Variants in RABGAP1L observed in about 807,000 individuals in gnomAD.
RABGAP1L encodes RAB GTPase activating protein 1 like.
RABGAP1L carries 63 observed loss-of-function variants against 137.7 expected under a neutral mutation model. The observed-to-expected ratio is 0.46, with a 90% CI of 0.37 to 0.56. RABGAP1L has a LOEUF of 0.56. RABGAP1L is among the 20% of genes least tolerant of loss of function. The pLI is 0.00. For synonymous variants in RABGAP1L, 431 were observed against 433.7 expected, an observed-to-expected ratio of 0.99 and a Z score of 0.08; for missense variants, 1,095 against 1,244.0, an observed-to-expected ratio of 0.88 and a Z score of 1.80.
chr1:174,247,522 G>A (rs1672364645), intron 5 of RABGAP1L, among the ~76,000 whole-genome samples: 1 of 152,194 alleles, frequency 6.6e-6, no homozygotes, highest in Non-Finnish European at 1.5e-5. Flanking sequence ...AGCTCTTAGA[G>A]CCAGGCCAGC....
At chr1:174,368,837 C>T (rs527951143) in intron 11 of RABGAP1L, among the ~76,000 whole-genome samples, 5 of 152,052 alleles carry the variant, frequency 3.3e-5, no homozygotes, top group Non-Finnish European at 7.4e-5. Context: ...AATTCCTTTC[C>T]CTACAAGAGT....
intron 3 of RABGAP1L, among the ~76,000 whole-genome samples, chr1:174,226,001 G>A (rs1177971358): frequency 1.3e-5 from 2 of 152,060 alleles, no homozygotes; most frequent in Non-Finnish European, 2.9e-5. Flanking sequence ...TAGTTCTGTG[G>A]TCGGGGCTAG....
chr1:174,239,833 A>G (rs1671636392), intron 4 of RABGAP1L, among the ~76,000 whole-genome samples: 1 of 152,198 alleles, frequency 6.6e-6, no homozygotes, highest in South Asian at 2.1e-4. Context: ...AGTTGCTTTA[A>G]TCTTTTAAAA....
intron 1 of RABGAP1L, among the ~76,000 whole-genome samples, chr1:174,171,957 C>T (rs1352736761): frequency 6.6e-6 from 1 of 152,040 alleles, no homozygotes; most frequent in Non-Finnish European, 1.5e-5. Context: ...GCTGAGATTA[C>T]ACCACTGCAC....
At position 174,992,160 on chromosome 1, in the gene RABGAP1L, C is replaced by G. The variant is rs988486752; in HGVS notation, c.*2159C>G. The G allele has an allele frequency of 6.6e-6, 1 of 152,276 alleles. No homozygotes were observed. 9.4% of individuals were successfully genotyped at this position (152,276 alleles called of 1,614,324 possible). ...GGAGAAGAGAAAAATCCCCCCTGGC[C>G]AGGCATGGTGGCTCACATCTGTAAT... On this transcript the variant is annotated 3_prime_UTR_variant, in exon 26 of 26. Coordinates refer to ENST00000681986, the MANE Select transcript of RABGAP1L (RefSeq NM_001366446.1).
At chr1:174,491,285 T>G (rs907881762) in intron 13 of RABGAP1L, among the ~76,000 whole-genome samples, 1 of 151,924 alleles carries the variant, frequency 6.6e-6, no homozygotes, top group Non-Finnish European at 1.5e-5. Flanking sequence ...AGTCCACAGG[T>G]GATGGGATCT....
chr1:174,277,306 T>C (rs1388975060), intron 9 of RABGAP1L, among the ~76,000 whole-genome samples: 12 of 152,046 alleles, frequency 7.9e-5, no homozygotes, highest in Non-Finnish European at 1.5e-5. Flanking sequence ...CAAATACCTG[T>C]AACTTCTTTC....
intron 19 of RABGAP1L, among the ~76,000 whole-genome samples, chr1:174,852,584 C>T (rs748219012): frequency 5.9e-5 from 9 of 152,222 alleles, no homozygotes; most frequent in Middle Eastern, 3.4e-3. Context: ...GAGGCTGAGG[C>T]GGGCTGATCA....
chr1:174,751,598 T>C (rs1348768679), intron 17 of RABGAP1L, among the ~76,000 whole-genome samples: 2 of 152,236 alleles, frequency 1.3e-5, no homozygotes, highest in Admixed American at 6.5e-5. Context: ...TTGAATTTAA[T>C]AACTCAATGT....
chr1:174,596,520 C>T (rs1669939673), intron 13 of RABGAP1L, among the ~76,000 whole-genome samples: 1 of 152,188 alleles, frequency 6.6e-6, no homozygotes, highest in South Asian at 2.1e-4. Flanking sequence ...TCAGATTGTT[C>T]ATTGTTGGCA....
chr1:174,916,045 TA>T (rs1660810357), intron 19 of RABGAP1L, among the ~76,000 whole-genome samples: 2 of 151,826 alleles, frequency 1.3e-5, no homozygotes, highest in Non-Finnish European at 2.9e-5. Context: ...TTTTCACTGT[TA>T]TATTTAAGTC....
At chr1:174,959,632 T>C (rs926704777) in intron 20 of RABGAP1L, among the ~76,000 whole-genome samples, 1 of 152,222 alleles carries the variant, frequency 6.6e-6, no homozygotes, top group African/African-American at 2.4e-5. Context: ...TTGATTCTTA[T>C]TTACACATAT....
At chr1:174,546,813 G>A (rs958821243) in intron 13 of RABGAP1L, among the ~76,000 whole-genome samples, 32 of 151,570 alleles carry the variant, frequency 2.1e-4, no homozygotes, top group African/African-American at 7.0e-4. Context: ...GGCGGATCAC[G>A]AGGTCAGGAG....
chr1:174,560,264 A>G (rs1667126771), intron 13 of RABGAP1L, among the ~76,000 whole-genome samples: 1 of 152,182 alleles, frequency 6.6e-6, no homozygotes, highest in Non-Finnish European at 1.5e-5. Context: ...AGACTGCACT[A>G]AACTGTGTCT....
intron 13 of RABGAP1L, among the ~76,000 whole-genome samples, chr1:174,534,316 C>A (rs1263430230): frequency 6.6e-6 from 1 of 152,044 alleles, no homozygotes; most frequent in Non-Finnish European, 1.5e-5. Flanking sequence ...CTGCAGTAAT[C>A]CCCCTGCCGT....
intron 13 of RABGAP1L, among the ~76,000 whole-genome samples, chr1:174,538,915 A>C (rs772727131): frequency 3.3e-5 from 5 of 152,292 alleles, no homozygotes; most frequent in South Asian, 4.1e-4. Context: ...AAAATTTTTT[A>C]GGAGGCCAAA....
At chr1:174,313,053 G>T (rs557587159) in intron 11 of RABGAP1L, among the ~76,000 whole-genome samples, 65 of 151,928 alleles carry the variant, frequency 4.3e-4, no homozygotes, top group Non-Finnish European at 3.7e-4. Context: ...TCAGCCTCCC[G>T]AGTAGCTGGG....
intron 19 of RABGAP1L, among the ~76,000 whole-genome samples, chr1:174,953,857 A>C (rs1408805122): frequency 6.6e-6 from 1 of 152,196 alleles, no homozygotes; most frequent in African/African-American, 2.4e-5. Context: ...AGAATAGCTG[A>C]AGGCAGCTGT....
intron 13 of RABGAP1L, among the ~76,000 whole-genome samples, chr1:174,574,434 A>G (rs1668213297): frequency 1.3e-5 from 2 of 152,144 alleles, no homozygotes; most frequent in Admixed American, 6.6e-5. Context: ...AATGAAAGTC[A>G]ACATAGTATT....
Sources: gnomAD v4.1 joint callset for allele counts (sites outside exome capture counted in the v4.1 genomes callset) on GRCh38, gnomAD v4.1.1 for gene constraint, MANE v1.5 for transcripts, NCBI Gene and HGNC (gene_info 2026-07-23, HGNC 2026-07-21) for gene names.